The following SRPK2 variants were observed in gnomAD, a reference collection of about 807,000 sequenced individuals.
The protein encoded by SRPK2 is SRSF protein kinase 2, also known as SFRS protein kinase 2.
In SRPK2, 21 loss-of-function variants were observed where a neutral mutation model predicts 90.8. The observed-to-expected ratio is 0.23, with a 90% CI of 0.16 to 0.33. The LOEUF (loss-of-function observed/expected upper bound fraction) is 0.33, where lower values mean the gene tolerates loss of function less well. SRPK2 is among the 10% of genes least tolerant of loss of function. SRPK2 has a pLI of 1.00. For synonymous variants in SRPK2, 288 were observed against 311.1 expected (o/e 0.93, Z 0.78); for missense variants, 620 against 869.0 (o/e 0.71, Z 3.60).
chr7:105,311,166 T>G (rs1404318637), intron 2 of SRPK2, among the ~76,000 whole-genome samples: 1 of 152,100 alleles, frequency 6.6e-6, no homozygotes, highest in Admixed American at 6.6e-5. Flanking sequence ...GTCAAGAGTA[T>G]GTAAAGAACT....
At chr7:105,125,869 T>C in intron 15 of SRPK2, 2 of 1,302,074 alleles carry the variant, frequency 1.5e-6, no homozygotes, top group Non-Finnish European at 2.0e-6. Context: ...ATCAATGCTA[T>C]GTGATCTGCA....
At chr7:105,159,957 C>G (rs1215584373) in intron 7 of SRPK2, among the ~76,000 whole-genome samples, 11 of 152,100 alleles carry the variant, frequency 7.2e-5, no homozygotes, top group Middle Eastern at 3.4e-3. Flanking sequence ...CATATAGACT[C>G]TGTGTGTGTG....
chr7:105,379,135 A>C (rs1820642004), intron 2 of SRPK2, among the ~76,000 whole-genome samples: 1 of 151,776 alleles, frequency 6.6e-6, no homozygotes, highest in African/African-American at 2.4e-5. Flanking sequence ...CCAACAAAGC[A>C]AGACCCAGTC....
chr7:105,268,601 A>T (rs190551550), intron 2 of SRPK2, among the ~76,000 whole-genome samples: 1 of 152,330 alleles, frequency 6.6e-6, no homozygotes, highest in Admixed American at 6.5e-5. Context: ...GCAGCTGATC[A>T]GGCTCCACTA....
At chr7:105,376,545 T>C (rs2132553996) in intron 2 of SRPK2, among the ~76,000 whole-genome samples, 1 of 151,670 alleles carries the variant, frequency 6.6e-6, no homozygotes, top group East Asian at 1.9e-4. Flanking sequence ...TTTTTTTTTT[T>C]TGGTGAGGGG....
intron 2 of SRPK2, among the ~76,000 whole-genome samples, chr7:105,374,147 A>G (rs373535947): frequency 1.3e-5 from 2 of 151,442 alleles, no homozygotes; most frequent in South Asian, 4.2e-4. Flanking sequence ...GGCTGGTCTC[A>G]AACTCCTCAC....
intron 2 of SRPK2, among the ~76,000 whole-genome samples, chr7:105,352,675 AG>A (rs1383117229): frequency 8.0e-4 from 122 of 152,194 alleles, no homozygotes; most frequent in Non-Finnish European, 1.8e-4. Context: ...CAAGGTGGGC[AG>A]ATTACTTGAG....
At chr7:105,374,124 A>C (rs1020662030) in intron 2 of SRPK2, among the ~76,000 whole-genome samples, 4 of 151,084 alleles carry the variant, frequency 2.6e-5, no homozygotes, top group African/African-American at 9.7e-5. Flanking sequence ...ACGGGGTTTC[A>C]CCATGTTGGC....
chr7:105,136,197 G>A (rs991269816), intron 11 of SRPK2, among the ~76,000 whole-genome samples: 15 of 152,332 alleles, frequency 9.8e-5, no homozygotes, highest in Non-Finnish European at 1.6e-4. Flanking sequence ...CGTTCCAAAT[G>A]ATGCTAGGTA....
chr7:105,297,111 A>G (rs886678082), intron 2 of SRPK2, among the ~76,000 whole-genome samples: 2 of 152,236 alleles, frequency 1.3e-5, no homozygotes, highest in African/African-American at 2.4e-5. Flanking sequence ...GGAATTGTCA[A>G]TAACAGTAAC....
At chr7:105,388,750 T>A (rs923535237) in intron 1 of SRPK2, 41 bp downstream of exon 1, 1 of 1,538,972 alleles carries the variant, frequency 6.5e-7, no homozygotes, top group African/African-American at 1.4e-5. Context: ...CCGCCCGGGC[T>A]GGCCGCGTGG....
intron 11 of SRPK2, among the ~76,000 whole-genome samples, chr7:105,137,624 A>C (rs907947863): frequency 1.3e-5 from 2 of 152,224 alleles, no homozygotes; most frequent in African/African-American, 4.8e-5. Flanking sequence ...GTGTTGAGCC[A>C]AGATACACAC....
chr7:105,364,777 C>T (rs1168735723), intron 2 of SRPK2, among the ~76,000 whole-genome samples: 2 of 152,124 alleles, frequency 1.3e-5, no homozygotes, highest in African/African-American at 2.4e-5. Flanking sequence ...AAGTAAACTA[C>T]TTCCACACCT....
intron 2 of SRPK2, among the ~76,000 whole-genome samples, chr7:105,346,132 T>G (rs1043309037): frequency 3.3e-5 from 5 of 152,216 alleles, no homozygotes; most frequent in African/African-American, 1.2e-4. Context: ...CTGTAAAAAC[T>G]TCTAAGGTTT....
chr7:105,376,717 T>C (rs748219518), intron 2 of SRPK2, among the ~76,000 whole-genome samples: 1 of 151,580 alleles, frequency 6.6e-6, no homozygotes, highest in African/African-American at 2.4e-5. Context: ...TTTGTATTTT[T>C]AGTAGAGATG....
At chr7:105,229,759 T>A (rs563216435) in intron 2 of SRPK2, among the ~76,000 whole-genome samples, 7 of 151,464 alleles carry the variant, frequency 4.6e-5, no homozygotes, top group Admixed American at 1.3e-4. Context: ...GATCTCAATA[T>A]TCTTTCAAGT....
At chr7:105,351,137 G>A (rs1403514989) in intron 2 of SRPK2, among the ~76,000 whole-genome samples, 4 of 151,912 alleles carry the variant, frequency 2.6e-5, no homozygotes, top group Non-Finnish European at 2.9e-5. Context: ...GAATTTTAAC[G>A]GATTATCCTG....
chr7:105,162,191 GC>G (rs1807772828), intron 6 of SRPK2, among the ~76,000 whole-genome samples: 1 of 152,110 alleles, frequency 6.6e-6, no homozygotes, highest in Non-Finnish European at 1.5e-5. Flanking sequence ...ACAGGCGTGT[GC>G]CACTATGCCC....
At chr7:105,133,196 C>G in intron 11 of SRPK2, 92 bp from the exon 12 acceptor site, 1 of 1,160,914 alleles carries the variant, frequency 8.6e-7, no homozygotes, top group African/African-American at 1.5e-5. Context: ...CTCCTTTCCT[C>G]AAGAGTAGTG....
Sources: allele counts gnomAD v4.1 joint callset (sites outside exome capture counted in the v4.1 genomes callset), GRCh38; gene constraint gnomAD v4.1.1; transcripts MANE v1.5; gene names NCBI Gene and HGNC (gene_info 2026-07-23, HGNC 2026-07-21).